The following DDIAS variants were observed in gnomAD, a reference collection of about 807,000 sequenced individuals.
DDIAS encodes the protein DNA damage-induced apoptosis suppressor protein.
DDIAS carries 14 observed loss-of-function variants against 15.7 expected under a neutral mutation model. The ratio of observed to expected loss-of-function variants is 0.89; its 90% CI spans 0.59 to 1.39. DDIAS has a LOEUF of 1.39. Among genes scored for constraint, DDIAS ranks in the 40% most tolerant of loss-of-function variants. The pLI, the probability that DDIAS is intolerant of heterozygous loss-of-function variation, is 0.00. For synonymous variants in DDIAS, 355 were observed against 395.9 expected (o/e 0.90, Z 1.23); for missense variants, 1,035 against 1,130.9 (o/e 0.92, Z 1.22).
chr11:82,920,014 C>T (rs546683097), intron 3 of DDIAS, among the ~76,000 whole-genome samples: 43 of 152,332 alleles, frequency 2.8e-4, no homozygotes, highest in Non-Finnish European at 3.8e-4. Context: ...TGAGGCACCA[C>T]GCCCGGCCTT....
intron 2 of DDIAS, chr11:82,913,657 G>A (rs1373465247): frequency 2.4e-6 from 1 of 423,034 alleles, no homozygotes; most frequent in Admixed American, 3.1e-5. Flanking sequence ...TCTTCAAGAT[G>A]TATCAAATGA....
At chr11:82,909,917 G>A (rs1402807248) in intron 1 of DDIAS, among the ~76,000 whole-genome samples, 1 of 152,080 alleles carries the variant, frequency 6.6e-6, no homozygotes, top group African/African-American at 2.4e-5. Flanking sequence ...TACCTTGAGT[G>A]GCAAGATTTT....
chr11:82,908,720 A>G (rs1860474397), intron 1 of DDIAS, among the ~76,000 whole-genome samples: 1 of 152,220 alleles, frequency 6.6e-6, no homozygotes, highest in African/African-American at 2.4e-5. Flanking sequence ...CAAATTTCCC[A>G]CATGTGCCAG....
At chr11:82,915,968 A>G (rs1008378247) in intron 3 of DDIAS, among the ~76,000 whole-genome samples, 1 of 152,216 alleles carries the variant, frequency 6.6e-6, no homozygotes, top group African/African-American at 2.4e-5. Context: ...TCAACGTTAT[A>G]ATGATGTTGT....
At chr11:82,925,647 A>G (rs765762022) in intron 3 of DDIAS, among the ~76,000 whole-genome samples, 3 of 152,058 alleles carry the variant, frequency 2.0e-5, no homozygotes, top group East Asian at 1.9e-4. Context: ...AACAAGTTCT[A>G]TGGATCTAAT....
intron 3 of DDIAS, among the ~76,000 whole-genome samples, chr11:82,928,422 A>G (rs1860913836): frequency 6.6e-6 from 1 of 151,722 alleles, no homozygotes; most frequent in East Asian, 1.9e-4. Flanking sequence ...GATGGTCTCA[A>G]TCTCCTGACC....
intron 1 of DDIAS, among the ~76,000 whole-genome samples, chr11:82,912,634 G>A (rs1462220474): frequency 6.6e-6 from 1 of 152,132 alleles, no homozygotes; most frequent in East Asian, 1.9e-4. Context: ...CAACAAAAAG[G>A]CTGTTTTACA....
At chr11:82,911,366 G>A (rs1161003771) in intron 1 of DDIAS, among the ~76,000 whole-genome samples, 3 of 152,170 alleles carry the variant, frequency 2.0e-5, no homozygotes, top group African/African-American at 7.2e-5. Flanking sequence ...TAAGCTTATG[G>A]AATATTCTAA....
At chr11:82,920,535 A>G (rs1318331463) in intron 3 of DDIAS, among the ~76,000 whole-genome samples, 1 of 151,980 alleles carries the variant, frequency 6.6e-6, no homozygotes, top group Non-Finnish European at 1.5e-5. Context: ...TCCTTTTAGC[A>G]CTGCCTTTGC....
At chr11:82,919,391 A>G (rs1403739753) in intron 3 of DDIAS, among the ~76,000 whole-genome samples, 1 of 152,192 alleles carries the variant, frequency 6.6e-6, no homozygotes, top group Non-Finnish European at 1.5e-5. Flanking sequence ...TTTATGTGGT[A>G]TATCACACTT....
chr11:82,912,011 T>C (rs1860538226), intron 1 of DDIAS, among the ~76,000 whole-genome samples: 1 of 152,214 alleles, frequency 6.6e-6, no homozygotes, highest in Non-Finnish European at 1.5e-5. Flanking sequence ...GCTTAAAATA[T>C]TCAGTAAATC....
intron 3 of DDIAS, among the ~76,000 whole-genome samples, chr11:82,927,989 C>A (rs1403041262): frequency 6.6e-6 from 1 of 151,920 alleles, no homozygotes; most frequent in Non-Finnish European, 1.5e-5. Flanking sequence ...AGCCTTTAGC[C>A]ACCATTACAT....
intron 1 of DDIAS, among the ~76,000 whole-genome samples, chr11:82,909,620 T>C (rs538982574): frequency 4.6e-5 from 7 of 152,218 alleles, no homozygotes; most frequent in Non-Finnish European, 1.0e-4. Context: ...TTTGAGGTTT[T>C]AGCACTTACA....
At chr11:82,930,464 CAG>C (rs1461966778) in intron 5 of DDIAS, among the ~76,000 whole-genome samples, 190 bp downstream of exon 5, 1 of 152,070 alleles carries the variant, frequency 6.6e-6, no homozygotes, top group Non-Finnish European at 1.5e-5. Flanking sequence ...TTTCGAAAGT[CAG>C]GGGAGCCTAC....
Position 82,931,914 on chromosome 11 carries a change from A to G in DDIAS, c.576A>G (p.Lys192=), listed in dbSNP as rs781324312. 12 of 1,613,978 alleles carry G rather than the reference A, an allele frequency of 7.4e-6. No individual in the cohort carries two copies. In the East Asian group the frequency reaches 2.0e-4, roughly 27 times the overall value. Residue 192 remains lysine (K), a synonymous_variant, in exon 6 of 6, where the codon AAA becomes AAG. Coordinates refer to ENST00000533655, the MANE Select transcript of DDIAS (RefSeq NM_145018.4). The part of the protein sequence containing the change: ...HQLLQTFNFR[K]LQCDSQAPNN... ...TTTTGCAGACTTTTAATTTCAGGAA[A>G]CTTCAGTGTGACTCTCAGGCACCTA...
At chr11:82,910,446 T>C (rs1307012047) in intron 1 of DDIAS, among the ~76,000 whole-genome samples, 1 of 151,772 alleles carries the variant, frequency 6.6e-6, no homozygotes, top group Non-Finnish European at 1.5e-5. Context: ...ATTTTGTATA[T>C]TTTTGATAGA....
Position 82,932,034 on chromosome 11 carries a change from G to A in DDIAS, c.696G>A (p.Lys232=). The A allele has an allele frequency of 2.5e-6, 4 of 1,614,040 alleles. No homozygotes were observed. The highest frequency in any genetic ancestry group is 3.4e-6 in the Non-Finnish European group (4 of 1,179,988). The change falls in exon 6 of 6, where the codon AAG becomes AAA. Residue 232 remains lysine (K), a synonymous_variant. Coordinates refer to ENST00000533655, the MANE Select transcript of DDIAS (RefSeq NM_145018.4). ...STSDFFKSCS[K]DTFSKFWQPS... ...CTGATTTTTTCAAGTCCTGCAGCAA[G>A]GATACTTTTTCAAAATTCTGGCAGC...
chr11:82,929,028 TAATC>T (rs1184489121), intron 4 of DDIAS, 90 bp downstream of exon 4: 2 of 1,413,698 alleles, frequency 1.4e-6, no homozygotes, highest in East Asian at 4.7e-5. Context: ...TGTAGAAAGA[TAATC>T]ATTCAACCCC....
chr11:82,932,467 G>T lies in DDIAS; in HGVS notation c.1129G>T (p.Gly377Cys). The change falls in exon 6 of 6, where the codon GGT (glycine) becomes TGT (cysteine). Residue 377 changes from glycine to cysteine, a missense_variant. Gly to Cys is a radical substitution (Grantham distance 159). Coordinates refer to ENST00000533655, the MANE Select transcript of DDIAS (RefSeq NM_145018.4). ...QHELPCFQHH[G>C]IDTPTSLQKR... is the part of the protein sequence containing the mutation. ...TGAGCTACCATGTTTTCAGCATCAT[G>T]GTATAGATACCCCAACTAGCCTTCA... 6.2e-7 allele frequency: 1 copy of T among 1,614,168 alleles called. No homozygotes were observed. The highest frequency in any genetic ancestry group is 1.7e-5 in the Admixed American group (1 of 60,022).
Sources: gnomAD v4.1 joint callset for allele counts (sites outside exome capture counted in the v4.1 genomes callset) on GRCh38, gnomAD v4.1.1 for gene constraint, MANE v1.5 for transcripts, NCBI Gene and HGNC (gene_info 2026-07-23, HGNC 2026-07-21) for gene names.